Variants in ADAM22 observed in about 807,000 individuals in gnomAD.
ADAM22 encodes the protein disintegrin and metalloproteinase domain-containing protein 22.
Under a neutral mutation model 144.6 loss-of-function variants are expected in ADAM22, and 65 were observed. The observed-to-expected ratio is 0.45, with a 90% confidence interval of 0.37 to 0.55. ADAM22 has a LOEUF of 0.55. Among genes scored for constraint, ADAM22 ranks in the 20% least tolerant of loss-of-function variants. The probability of loss-of-function intolerance (pLI) is 0.00; values close to 1 mark genes in which losing one functional copy is unlikely to be tolerated. For missense variants in ADAM22, 974 were observed against 1,184.9 expected (o/e 0.82, Z 2.61); for synonymous variants, 391 against 412.6 (o/e 0.95, Z 0.63).
rs1298945445 is a variant in ADAM22 at position 88,023,198 on chromosome 7, C to T, written c.323+44786C>T. ...TCAGAACAATGGAAGTGGAACTGGC[C>T]TCAGGTATGCCTGAATCTAGGATCT... is the stretch of plus-strand genomic sequence containing the variant. On this transcript the variant is annotated intron_variant, in intron 3 of 31. Coordinates refer to ENST00000413139, the MANE Select transcript of ADAM22 (RefSeq NM_001324418.2). Among the ~76,000 whole-genome samples the T allele has an allele frequency of 5.9e-5, 9 of 152,212 alleles. 1 individual carries two copies. In the South Asian group the frequency reaches 1.9e-3, roughly 32 times the overall value.
chr7:88,039,106 G>A (rs1802305849), intron 3 of ADAM22, among the ~76,000 whole-genome samples: 1 of 151,884 alleles, frequency 6.6e-6, no homozygotes, highest in African/African-American at 2.4e-5. Context: ...GCAAAGGATG[G>A]TAGTCATAAT....
At chr7:88,125,437 A>C in intron 7 of ADAM22, 152 bp from the exon 8 acceptor site, 2 of 499,726 alleles carry the variant, frequency 4.0e-6, no homozygotes, top group East Asian at 3.9e-5. Flanking sequence ...TTTAGTATTA[A>C]TATACTACAG....
chr7:88,009,407 A>G (rs960741682), intron 3 of ADAM22, among the ~76,000 whole-genome samples: 2 of 152,140 alleles, frequency 1.3e-5, no homozygotes, highest in East Asian at 1.9e-4. Flanking sequence ...CTTTTGTTTC[A>G]TAGTTCATTA....
chr7:88,035,196 A>G (rs903507025), intron 3 of ADAM22, among the ~76,000 whole-genome samples: 3 of 152,232 alleles, frequency 2.0e-5, no homozygotes, highest in Non-Finnish European at 2.9e-5. Flanking sequence ...GAAACAGATT[A>G]TGGTCACCGA....
At chr7:88,001,131 T>C (rs1792446312) in intron 3 of ADAM22, among the ~76,000 whole-genome samples, 1 of 152,234 alleles carries the variant, frequency 6.6e-6, no homozygotes, top group Admixed American at 6.5e-5. Context: ...TAGAAACACA[T>C]GCAGGAAAAT....
At chr7:88,096,568 AATAAT>A (rs1400805095) in intron 4 of ADAM22, among the ~76,000 whole-genome samples, 1 of 151,080 alleles carries the variant, frequency 6.6e-6, no homozygotes, top group East Asian at 1.9e-4. Flanking sequence ...TATTTTTAGA[AATAAT>A]ATAATATTTT....
chr7:88,080,497 A>G (rs1816188679), intron 4 of ADAM22, among the ~76,000 whole-genome samples: 1 of 152,244 alleles, frequency 6.6e-6, no homozygotes, highest in Non-Finnish European at 1.5e-5. Flanking sequence ...AACTAAAATC[A>G]GAGCAGAACT....
At chr7:88,003,397 A>C (rs941972982) in intron 3 of ADAM22, among the ~76,000 whole-genome samples, 5 of 152,240 alleles carry the variant, frequency 3.3e-5, no homozygotes, top group African/African-American at 9.6e-5. Context: ...GTGGGGCTTT[A>C]ACTGGGAATC....
At chr7:88,007,243 A>T (rs1406447578) in intron 3 of ADAM22, among the ~76,000 whole-genome samples, 1 of 152,280 alleles carries the variant, frequency 6.6e-6, no homozygotes, top group South Asian at 2.1e-4. Context: ...TCAATGAAAT[A>T]AAAGAGGATA....
chr7:88,022,122 C>G (rs1037238064), intron 3 of ADAM22, among the ~76,000 whole-genome samples: 1 of 152,006 alleles, frequency 6.6e-6, no homozygotes, highest in Admixed American at 6.6e-5. Context: ...TCTCAAACCC[C>G]TAACCTCAAG....
chr7:88,171,814 A>AT (rs1246446534), intron 26 of ADAM22, among the ~76,000 whole-genome samples: 1 of 151,650 alleles, frequency 6.6e-6, no homozygotes, highest in Non-Finnish European at 1.5e-5. Context: ...AGTCTTGCTT[A>AT]TTTTTTAATA....
In ADAM22 at chr7:88,145,497, A is replaced by G; in HGVS notation, c.1475A>G (p.Lys492Arg). The change falls in exon 17 of 32, where the codon AAA becomes AGA. Residue 492 changes from lysine to arginine, a missense_variant. By Grantham distance (26) the Lys-to-Arg change is conservative. Around this residue, in one of 2 missense-constraint regions of ADAM22, gnomAD observed 734 missense variants for 950.6 expected, o/e 0.77. Transcript: ENST00000413139. ...CAATGCAGTGACGGTCTTTGCTGTA[A>G]AAAGTGCAAGGTAAATAAACATTAA... is the stretch of plus-strand genomic sequence containing the variant. ...DSQCSDGLCC[K>R]KCKFQPMGTV... is the part of the protein sequence containing the mutation. 6.2e-7 allele frequency: 1 copy of G among 1,613,324 alleles called. No individual in the cohort carries two copies. The highest frequency in any genetic ancestry group is 8.5e-7 in the Non-Finnish European group (1 of 1,179,426).
At chr7:88,062,428 C>T (rs1439136449) in intron 3 of ADAM22, among the ~76,000 whole-genome samples, 1 of 152,200 alleles carries the variant, frequency 6.6e-6, no homozygotes, top group East Asian at 1.9e-4. Context: ...GCAACTTCCT[C>T]ATGTCTCTCA....
At chr7:87,963,851 A>T (rs1035305384) in intron 2 of ADAM22, among the ~76,000 whole-genome samples, 1 of 152,182 alleles carries the variant, frequency 6.6e-6, no homozygotes, top group Non-Finnish European at 1.5e-5. Context: ...TGAGCCTTTG[A>T]TATGAAATTG....
chr7:87,983,342 A>G (rs1854183824), intron 3 of ADAM22, among the ~76,000 whole-genome samples: 1 of 152,174 alleles, frequency 6.6e-6, no homozygotes, highest in East Asian at 1.9e-4. Flanking sequence ...CTTATATGTC[A>G]GTAAAATTCA....
intron 3 of ADAM22, among the ~76,000 whole-genome samples, chr7:87,991,341 T>G (rs1789781314): frequency 6.7e-6 from 1 of 149,344 alleles, no homozygotes; most frequent in Non-Finnish European, 1.5e-5. Context: ...CTGACAGCTA[T>G]CACTAGCCTT....
intron 3 of ADAM22, among the ~76,000 whole-genome samples, chr7:88,067,781 T>C (rs932300220): frequency 6.6e-6 from 1 of 152,108 alleles, no homozygotes; most frequent in Non-Finnish European, 1.5e-5. Flanking sequence ...CATTTAAAGC[T>C]CCCTGATAAT....
chr7:88,101,563 G>C (rs17255672), intron 4 of ADAM22, among the ~76,000 whole-genome samples: 2,464 of 152,222 alleles, frequency 0.016, 41 homozygotes, highest in Non-Finnish European at 0.026. Flanking sequence ...CTTTGATCCA[G>C]GCCAAAGCAT....
Position 88,199,985 on chromosome 7 carries a change from C to T in ADAM22, c.*3494C>T, listed in dbSNP as rs908073649. 1.3e-5 allele frequency: 2 copies of T among 152,210 alleles called. No homozygotes were observed. The highest frequency in any genetic ancestry group is 1.3e-4 in the Admixed American group (2 of 15,270). 9.4% of individuals were successfully genotyped at this position (152,210 alleles called of 1,614,324 possible). ...AGAAGGACTATTTATGTTTGAATTT[C>T]ATAACAGGCTTACATTTCTTTTCTA... On this transcript the variant is annotated 3_prime_UTR_variant, in exon 32 of 32. Coordinates refer to ENST00000413139, the MANE Select transcript of ADAM22 (RefSeq NM_001324418.2).
Sources: allele counts gnomAD v4.1 joint callset (sites outside exome capture counted in the v4.1 genomes callset), GRCh38; gene constraint gnomAD v4.1.1; regional missense constraint gnomAD v4.1.1; transcripts MANE v1.5; gene names NCBI Gene and HGNC (gene_info 2026-07-23, HGNC 2026-07-21).